The following NRCAM variants were observed in gnomAD, a reference collection of about 807,000 sequenced individuals.
NRCAM encodes NgCAM-related cell adhesion molecule.
A neutral mutation model predicts 156.5 loss-of-function variants in NRCAM; 83 were observed. That is an observed-to-expected ratio of 0.53 (90% confidence interval 0.44 to 0.64). The LOEUF (loss-of-function observed/expected upper bound fraction) is 0.64, where lower values mean the gene tolerates loss of function less well. Among genes scored for constraint, NRCAM ranks in the 30% least tolerant of loss-of-function variants. The pLI, the probability that NRCAM is intolerant of heterozygous loss-of-function variation, is 0.00. For synonymous variants in NRCAM, 538 were observed against 563.9 expected, an observed-to-expected ratio of 0.95 and a Z score of 0.65; for missense variants, 1,417 against 1,597.3, an observed-to-expected ratio of 0.89 and a Z score of 1.92.
intron 2 of NRCAM, among the ~76,000 whole-genome samples, chr7:108,330,024 C>A (rs531101414): frequency 6.6e-6 from 1 of 152,232 alleles, no homozygotes; most frequent in East Asian, 1.9e-4. Flanking sequence ...TGATAGAAAA[C>A]AGAAAATAAT....
At chr7:108,342,898 C>T (rs1191918964) in intron 2 of NRCAM, among the ~76,000 whole-genome samples, 1 of 152,198 alleles carries the variant, frequency 6.6e-6, no homozygotes, top group African/African-American at 2.4e-5. Context: ...ACTTAAATAT[C>T]AGGCTCTACT....
chr7:108,338,708 GA>G (rs1346709387), intron 2 of NRCAM, among the ~76,000 whole-genome samples: 2 of 151,518 alleles, frequency 1.3e-5, no homozygotes, highest in African/African-American at 4.8e-5. Flanking sequence ...AGAAATAGTA[GA>G]AAAAAAAGTG....
intron 3 of NRCAM, among the ~76,000 whole-genome samples, chr7:108,272,896 C>A (rs1371183719): frequency 6.6e-6 from 1 of 152,066 alleles, no homozygotes; most frequent in Non-Finnish European, 1.5e-5. Context: ...ATCCCTCCCC[C>A]AGCCCCCCAC....
At chr7:108,301,926 GGGT>G (rs2098628605) in intron 3 of NRCAM, among the ~76,000 whole-genome samples, 1 of 151,914 alleles carries the variant, frequency 6.6e-6, no homozygotes. Context: ...ACATGCTCTA[GGGT>G]TAAATGCCTT....
intron 30 of NRCAM, among the ~76,000 whole-genome samples, chr7:108,165,944 A>G (rs974916788): frequency 6.6e-6 from 1 of 152,256 alleles, no homozygotes; most frequent in African/African-American, 2.4e-5. Context: ...ACTCTTGTTG[A>G]AATGTAAGTA....
chr7:108,356,086 C>A (rs1235561277), intron 2 of NRCAM, among the ~76,000 whole-genome samples: 1 of 151,958 alleles, frequency 6.6e-6, no homozygotes, highest in Non-Finnish European at 1.5e-5. Context: ...GTAGCTGGGA[C>A]TACAGGCATG....
At chr7:108,395,556 T>C (rs963363073) in intron 2 of NRCAM, among the ~76,000 whole-genome samples, 3 of 152,244 alleles carry the variant, frequency 2.0e-5, no homozygotes, top group African/African-American at 7.2e-5. Context: ...CCTGTTGGAA[T>C]ACTGCCCATG....
chr7:108,319,217 A>G (rs2098970378), intron 2 of NRCAM, among the ~76,000 whole-genome samples: 1 of 152,252 alleles, frequency 6.6e-6, no homozygotes, highest in South Asian at 2.1e-4. Context: ...GTTAATAGAC[A>G]TGATATTTGT....
chr7:108,364,956 A>G (rs765165285), intron 2 of NRCAM, among the ~76,000 whole-genome samples: 36 of 152,146 alleles, frequency 2.4e-4, no homozygotes, highest in Admixed American at 3.3e-4. Flanking sequence ...CAAAGGTGAA[A>G]TGTATCATAT....
At chr7:108,352,219 C>T (rs1340236050) in intron 2 of NRCAM, among the ~76,000 whole-genome samples, 1 of 152,150 alleles carries the variant, frequency 6.6e-6, no homozygotes, top group African/African-American at 2.4e-5. Flanking sequence ...ACTTGGAATG[C>T]AAGATATTGC....
rs1245206759 is a variant in NRCAM, at chr7:108,177,324, G to T, written c.2974+666C>A. ...GGACAGAGGGAAGGCGAGATAGGGA[G>T]ATATCAGTTAAAGGGAAGGCTGGGC... On this transcript the variant is annotated intron_variant, in intron 26 of 32. Coordinates refer to ENST00000379028, the MANE Select transcript of NRCAM (RefSeq NM_001037132.4). 3.3e-5 allele frequency among the ~76,000 whole-genome samples: 5 copies of T among 152,164 alleles called. No homozygotes were observed. In the East Asian group the frequency reaches 7.7e-4, roughly 24 times the overall value.
At chr7:108,191,599 A>G in intron 18 of NRCAM, 130 bp downstream of exon 18, 2 of 1,144,476 alleles carry the variant, frequency 1.7e-6, no homozygotes, top group South Asian at 2.0e-5. Context: ...TTCAAAGAAG[A>G]AAAACATGGG....
intron 27 of NRCAM, 24 bp from the exon 28 acceptor site, chr7:108,175,381 AG>A: frequency 6.4e-7 from 1 of 1,554,160 alleles, no homozygotes; most frequent in Admixed American, 1.9e-5. Context: ...AAACAGAAAT[AG>A]GACACTATAT....
chr7:108,400,012 G>T (rs549535013), intron 1 of NRCAM, among the ~76,000 whole-genome samples: 11 of 152,222 alleles, frequency 7.2e-5, no homozygotes, highest in African/African-American at 2.6e-4. Flanking sequence ...AGACTGAAAA[G>T]AACAAACAAT....
chr7:108,182,080 G>T, intron 23 of NRCAM, 143 bp from the exon 24 acceptor site: 4 of 571,374 alleles, frequency 7.0e-6, no homozygotes, highest in South Asian at 2.6e-5. Context: ...CAGATTTTGG[G>T]GTATCTGTTT....
chr7:108,329,073 A>G (rs1228151516), intron 2 of NRCAM, among the ~76,000 whole-genome samples: 2 of 152,136 alleles, frequency 1.3e-5, no homozygotes, highest in Non-Finnish European at 2.9e-5. Flanking sequence ...GTAAAAATAA[A>G]TATTATAACT....
At chr7:108,330,336 A>G (rs908857578) in intron 2 of NRCAM, among the ~76,000 whole-genome samples, 3 of 152,202 alleles carry the variant, frequency 2.0e-5, no homozygotes, top group Non-Finnish European at 1.5e-5. Context: ...ATGGTGCTTT[A>G]AACTGTGATT....
intron 1 of NRCAM, among the ~76,000 whole-genome samples, chr7:108,442,988 C>A (rs1461178744): frequency 2.0e-5 from 3 of 152,094 alleles, no homozygotes; most frequent in Admixed American, 2.0e-4. Flanking sequence ...CTGTCAGGAT[C>A]ATAAATAAAT....
chr7:108,393,078 T>A (rs1386980736), intron 2 of NRCAM, among the ~76,000 whole-genome samples: 2 of 152,142 alleles, frequency 1.3e-5, no homozygotes, highest in African/African-American at 4.8e-5. Context: ...GGAGAACCAC[T>A]ACTCTCTTCA....
Sources: allele counts gnomAD v4.1 joint callset (sites outside exome capture counted in the v4.1 genomes callset), GRCh38; gene constraint gnomAD v4.1.1; transcripts MANE v1.5; gene names NCBI Gene and HGNC (gene_info 2026-07-23, HGNC 2026-07-21).